The following SLX9 variants were observed in gnomAD, a reference collection of about 807,000 sequenced individuals.
SLX9 encodes the protein SLX9 ribosome biogenesis factor.
A neutral mutation model predicts 20.8 loss-of-function variants in SLX9; 19 were observed. The ratio of observed to expected loss-of-function variants is 0.91; its 90% CI spans 0.64 to 1.34. SLX9 has a LOEUF of 1.34. Ranked by LOEUF, SLX9 falls within the 40% of genes most tolerant of loss-of-function variation. The probability of loss-of-function intolerance (pLI) is 0.00; values close to 1 mark genes in which losing one functional copy is unlikely to be tolerated. For missense variants in SLX9, 299 were observed against 322.2 expected (o/e 0.93, Z 0.55); for synonymous variants, 113 against 137.1 (o/e 0.82, Z 1.23).
At chr21:44,974,316 A>G (rs1477004830) in intron 5 of SLX9, among the ~76,000 whole-genome samples, 2 of 150,782 alleles carry the variant, frequency 1.3e-5, no homozygotes, top group Non-Finnish European at 2.9e-5. Flanking sequence ...GAGTTCGATT[A>G]TGCTTAGAAG....
chr21:44,958,689 G>A (rs1468815396), intron 2 of SLX9, among the ~76,000 whole-genome samples: 5 of 152,242 alleles, frequency 3.3e-5, no homozygotes, highest in African/African-American at 7.2e-5. Flanking sequence ...GGAAAGCGGC[G>A]GGAGCTGGGG....
chr21:44,974,380 G>A (rs2085223208), intron 5 of SLX9, among the ~76,000 whole-genome samples: 1 of 152,134 alleles, frequency 6.6e-6, no homozygotes, highest in Admixed American at 6.5e-5. Flanking sequence ...TCGAATGGTA[G>A]CTCCAAAGAT....
intron 2 of SLX9, among the ~76,000 whole-genome samples, chr21:44,945,744 C>T (rs1429189566): frequency 6.6e-6 from 1 of 152,206 alleles, no homozygotes; most frequent in Non-Finnish European, 1.5e-5. Flanking sequence ...CAGAGTCTTG[C>T]TCTGTCGCCA....
intron 2 of SLX9, among the ~76,000 whole-genome samples, chr21:44,955,932 C>T (rs757765258): frequency 5.9e-5 from 9 of 152,226 alleles, no homozygotes; most frequent in East Asian, 1.9e-4. Context: ...CAGACACCGC[C>T]GGGAGCAGCA....
At position 44,943,887 on chromosome 21, in the gene SLX9, T is replaced by C. The variant is rs1369049459; in HGVS notation, c.283+50T>C. The C allele has an allele frequency of 5.0e-6, 8 of 1,610,962 alleles. No individual in the cohort carries two copies. In the African/African-American group the frequency reaches 5.3e-5, roughly 11 times the overall value. ...ATGCTGATACCCAGCAGGTCTGGGA[T>C]TGTTCCCTCAGGCACCCGAGGTCTC... On this transcript the variant is annotated intron_variant, in intron 2 of 5. Coordinates refer to ENST00000291634, the MANE Select transcript of SLX9 (RefSeq NM_058190.4).
rs371762653 is a variant in SLX9, at chr21:44,945,645, G to A, written c.283+1808G>A. 1.1e-4 allele frequency among the ~76,000 whole-genome samples: 17 copies of A among 152,318 alleles called. No individual in the cohort carries two copies. In the East Asian group the frequency reaches 2.5e-3, roughly 22 times the overall value. On this transcript the variant is annotated intron_variant, in intron 2 of 5. Coordinates refer to ENST00000291634, the MANE Select transcript of SLX9 (RefSeq NM_058190.4). ...CTCGCAGCGTTCTTGGGCTGAGGTC[G>A]TGCCCAGCAGCCCTGTGGCCTCTCC...
At chr21:44,944,875 C>G (rs2084614515) in intron 2 of SLX9, among the ~76,000 whole-genome samples, 2 of 152,248 alleles carry the variant, frequency 1.3e-5, no homozygotes, top group African/African-American at 4.8e-5. Flanking sequence ...GGCTTTGCAT[C>G]TGTCAAAGGA....
At chr21:44,964,106 T>C (rs1261304156) in intron 3 of SLX9, among the ~76,000 whole-genome samples, 5 of 152,216 alleles carry the variant, frequency 3.3e-5, no homozygotes, top group African/African-American at 1.2e-4. Context: ...GTAGAGATCT[T>C]ACATCTTATA....
Position 44,972,714 on chromosome 21 carries a change from ACT to A in SLX9, c.501-481_501-480del, listed in dbSNP as rs1241754082. On this transcript the variant is annotated intron_variant, in intron 4 of 5. Coordinates refer to ENST00000291634, the MANE Select transcript of SLX9 (RefSeq NM_058190.4). Reference sequence around the variant, plus strand: ...GGGGACATGTAGGCTTGGGTGGGTGACTCAGCCTTCCTGGGAAGTGGTGTGTA... The same window carrying A: ...GGGGACATGTAGGCTTGGGTGGGTGACAGCCTTCCTGGGAAGTGGTGTGTA... Among the ~76,000 whole-genome samples, 5 of 152,138 alleles carry A rather than the reference ACT, an allele frequency of 3.3e-5. No individual in the cohort carries two copies. The East Asian group carries it at 9.6e-4, about 29-fold the overall frequency.
intron 2 of SLX9, among the ~76,000 whole-genome samples, chr21:44,946,026 G>A (rs931459720): frequency 2.6e-5 from 4 of 152,228 alleles, no homozygotes; most frequent in African/African-American, 7.2e-5. Context: ...GAGCCACCAC[G>A]CCCGGCCTGG....
chr21:44,948,024 C>T (rs1482551766), intron 2 of SLX9, among the ~76,000 whole-genome samples: 1 of 152,014 alleles, frequency 6.6e-6, no homozygotes, highest in South Asian at 2.1e-4. Context: ...ACCTGCTGTG[C>T]GTGCTGTGTG....
intron 2 of SLX9, among the ~76,000 whole-genome samples, chr21:44,951,561 C>T (rs1369409521): frequency 6.6e-6 from 1 of 152,186 alleles, no homozygotes; most frequent in African/African-American, 2.4e-5. Context: ...CCTAAAATTA[C>T]TTCTGTAGAA....
At chr21:44,961,890 C>T (rs545458810) in intron 3 of SLX9, among the ~76,000 whole-genome samples, 9 of 152,318 alleles carry the variant, frequency 5.9e-5, no homozygotes, top group African/African-American at 2.2e-4. Flanking sequence ...TGTAAGTTAT[C>T]TCTAAATACA....
At chr21:44,947,584 C>T (rs936369801) in intron 2 of SLX9, among the ~76,000 whole-genome samples, 3 of 135,502 alleles carry the variant, frequency 2.2e-5, no homozygotes, top group Non-Finnish European at 4.4e-5. Context: ...CGTTCCTATC[C>T]TGTGACTGAC....
At chr21:44,966,248 G>T (rs913163934) in intron 3 of SLX9, among the ~76,000 whole-genome samples, 2 of 152,136 alleles carry the variant, frequency 1.3e-5, no homozygotes, top group Admixed American at 6.5e-5. Flanking sequence ...GGAGCTGGCT[G>T]TTGTCACCTC....
At chr21:44,959,314 G>C (rs1358229095) in intron 2 of SLX9, 3 of 963,382 alleles carry the variant, frequency 3.1e-6, no homozygotes, top group South Asian at 4.8e-5. Flanking sequence ...AGCCGAGGCT[G>C]AACCGTCTCG....
At chr21:44,948,349 C>T (rs1426158761) in intron 2 of SLX9, among the ~76,000 whole-genome samples, 1 of 130,602 alleles carries the variant, frequency 7.7e-6, no homozygotes, top group East Asian at 2.3e-4. Flanking sequence ...GGGAGCTGGT[C>T]GTGGAGCATC....
Position 44,962,034 on chromosome 21 carries a change from C to T in SLX9, c.352+1866C>T, listed in dbSNP as rs181827576. ...GATTTTACAATCTTTATTACATAAC[C>T]GTTCATCTAGCAGTTTCTGTCCATC... is the stretch of plus-strand genomic sequence containing the variant. On this transcript the variant is annotated intron_variant, in intron 3 of 5. Transcript: ENST00000291634. Among the ~76,000 whole-genome samples the T allele has an allele frequency of 2.3e-3, 357 of 152,256 alleles. 2 individuals carry two copies. Among genetic ancestry groups the T allele is most frequent in the African/African-American group, 8.2e-3 (341 of 41,514 alleles).
rs111429528 is a variant in SLX9, at chr21:44,976,598, C to T, written c.570-82C>T. 178 of 1,519,150 alleles carry T rather than the reference C, an allele frequency of 1.2e-4. No individual in the cohort carries two copies. The African/African-American group carries it at 1.7e-3, about 15-fold the overall frequency. The allele number at this position is 1,519,150 out of a possible 1,614,324, so 94.1% of individuals were successfully genotyped here. On this transcript the variant is annotated intron_variant, in intron 5 of 5. Coordinates refer to ENST00000291634, the MANE Select transcript of SLX9 (RefSeq NM_058190.4). ...GGCCCCAGGCCTCTGCCATTCATTT[C>T]GGTGTCTGACGTTTCCGGGTGTTGA...
Sources: allele counts gnomAD v4.1 joint callset (sites outside exome capture counted in the v4.1 genomes callset), GRCh38; gene constraint gnomAD v4.1.1; transcripts MANE v1.5; gene names NCBI Gene and HGNC (gene_info 2026-07-23, HGNC 2026-07-21).